Variants in PPP3CA observed in about 807,000 individuals in gnomAD.
The protein encoded by PPP3CA is protein phosphatase 3 catalytic subunit alpha.
PPP3CA carries 14 observed loss-of-function variants against 66.5 expected under a neutral mutation model. The ratio of observed to expected loss-of-function variants is 0.21; its 90% CI spans 0.14 to 0.33. The LOEUF is 0.33. Among genes scored for constraint, PPP3CA ranks in the 10% least tolerant of loss-of-function variants. The probability of loss-of-function intolerance (pLI) is 1.00; values close to 1 mark genes in which losing one functional copy is unlikely to be tolerated. For synonymous variants in PPP3CA, 232 were observed against 226.2 expected (o/e 1.03, Z -0.23); for missense variants, 317 against 639.5 (o/e 0.50, Z 5.44).
At chr4:101,109,671 A>C (rs1017907974) in intron 2 of PPP3CA, among the ~76,000 whole-genome samples, 18 of 151,782 alleles carry the variant, frequency 1.2e-4, no homozygotes, top group African/African-American at 4.4e-4. Flanking sequence ...AAAAAAAAAA[A>C]AAACTCCAAT....
chr4:101,312,714 T>C lies in PPP3CA; in HGVS notation c.58+34025A>G, dbSNP rs529407754. On this transcript the variant is annotated intron_variant, in intron 1 of 13. Coordinates refer to ENST00000394854, the MANE Select transcript of PPP3CA (RefSeq NM_000944.5). ...AGAAACTTCAAATAATCTTTAATTA[T>C]TAATTTTTTAAAAGAAAATGTATAG... Among the ~76,000 whole-genome samples the C allele has an allele frequency of 4.6e-5, 7 of 152,254 alleles. No homozygotes were observed. The South Asian group carries it at 1.4e-3, about 32-fold the overall frequency.
At chr4:101,163,775 G>C (rs1285612820) in intron 2 of PPP3CA, among the ~76,000 whole-genome samples, 2 of 151,940 alleles carry the variant, frequency 1.3e-5, no homozygotes, top group African/African-American at 4.8e-5. Flanking sequence ...AATAAGTAAA[G>C]CCAATTTTAC....
chr4:101,333,561 G>A (rs17031175), intron 1 of PPP3CA, among the ~76,000 whole-genome samples: 1 of 151,826 alleles, frequency 6.6e-6, no homozygotes, highest in Non-Finnish European at 1.5e-5. Flanking sequence ...CTGAATTTCC[G>A]ATGTCTTGTA....
intron 8 of PPP3CA, among the ~76,000 whole-genome samples, chr4:101,072,024 G>GCT: frequency 6.6e-6 from 1 of 152,098 alleles, no homozygotes; most frequent in African/African-American, 2.4e-5. Context: ...AGTGACTACT[G>GCT]GATTAAAACT....
intron 3 of PPP3CA, among the ~76,000 whole-genome samples, chr4:101,103,633 A>G (rs929336760): frequency 2.6e-5 from 4 of 152,244 alleles, no homozygotes; most frequent in African/African-American, 9.6e-5. Flanking sequence ...TTCACAGCTA[A>G]TAAACACAAC....
rs553600798 is a variant in PPP3CA at position 101,347,431 on chromosome 4, G to T, written c.-635C>A. 50 of 167,418 alleles carry T rather than the reference G, an allele frequency of 3.0e-4. 1 individual carries two copies. In the South Asian group the frequency reaches 6.8e-3, roughly 23 times the overall value. The allele number at this position is 167,418 out of a possible 1,614,324, so 10.4% of individuals were successfully genotyped here. A position where few individuals can be genotyped will look rare whatever the true frequency, so the allele number is the denominator to read the frequency against. ...CGGCCGCCGGAGACGTCCCGCCGCC[G>T]CGATCGCCCGCGCTCGCCTCTGCCT... On this transcript the variant is annotated 5_prime_UTR_variant, in exon 1 of 14. Coordinates refer to ENST00000394854, the MANE Select transcript of PPP3CA (RefSeq NM_000944.5).
chr4:101,061,797 G>A (rs1728473574), intron 9 of PPP3CA, among the ~76,000 whole-genome samples: 1 of 152,012 alleles, frequency 6.6e-6, no homozygotes, highest in South Asian at 2.1e-4. Flanking sequence ...TAAAAGTGTT[G>A]TACAGAGGAA....
At chr4:101,129,694 G>C (rs1290182925) in intron 2 of PPP3CA, among the ~76,000 whole-genome samples, 1 of 152,176 alleles carries the variant, frequency 6.6e-6, no homozygotes, top group Non-Finnish European at 1.5e-5. Flanking sequence ...GAAAGGAATA[G>C]CATCAACATC....
At chr4:101,336,774 T>A (rs1423336928) in intron 1 of PPP3CA, among the ~76,000 whole-genome samples, 1 of 152,058 alleles carries the variant, frequency 6.6e-6, no homozygotes, top group Non-Finnish European at 1.5e-5. Flanking sequence ...GTGAGAGGTA[T>A]ATGGAATAGG....
chr4:101,128,513 G>A (rs1722318504), intron 2 of PPP3CA, among the ~76,000 whole-genome samples: 1 of 151,930 alleles, frequency 6.6e-6, no homozygotes, highest in African/African-American at 2.4e-5. Context: ...CAATGCAAAA[G>A]GCTGGTGATT....
chr4:101,159,250 A>G (rs1441876171), intron 2 of PPP3CA, among the ~76,000 whole-genome samples: 2 of 152,142 alleles, frequency 1.3e-5, no homozygotes, highest in Non-Finnish European at 2.9e-5. Flanking sequence ...AGTAGATTCT[A>G]AAAAAACAGT....
chr4:101,250,115 GA>G (rs1185369556), intron 1 of PPP3CA, among the ~76,000 whole-genome samples: 1 of 152,074 alleles, frequency 6.6e-6, no homozygotes, highest in Non-Finnish European at 1.5e-5. Context: ...AAGAATAATT[GA>G]GTTTTTGGAA....
intron 2 of PPP3CA, among the ~76,000 whole-genome samples, chr4:101,147,667 A>T (rs1723012793): frequency 6.6e-6 from 1 of 151,914 alleles, no homozygotes; most frequent in African/African-American, 2.4e-5. Flanking sequence ...ACAATTGCTA[A>T]TTTTTTCCTT....
chr4:101,317,950 A>C (rs1238531749), intron 1 of PPP3CA, among the ~76,000 whole-genome samples: 1 of 152,226 alleles, frequency 6.6e-6, no homozygotes, highest in Admixed American at 6.5e-5. Flanking sequence ...GTATTTAAAA[A>C]ATTATTATGT....
intron 1 of PPP3CA, among the ~76,000 whole-genome samples, chr4:101,332,979 C>A (rs1470510763): frequency 7.9e-5 from 12 of 152,146 alleles, no homozygotes. Flanking sequence ...TTTTGAAAGA[C>A]AGCTTAACTA....
intron 1 of PPP3CA, among the ~76,000 whole-genome samples, chr4:101,202,573 A>G (rs1242698378): frequency 3.3e-5 from 5 of 152,204 alleles, no homozygotes; most frequent in Admixed American, 3.3e-4. Flanking sequence ...GCTAGCCCCT[A>G]AGAACTGTAA....
At chr4:101,138,592 A>G (rs1722696843) in intron 2 of PPP3CA, among the ~76,000 whole-genome samples, 1 of 152,196 alleles carries the variant, frequency 6.6e-6, no homozygotes, top group Non-Finnish European at 1.5e-5. Context: ...AAATATTCCA[A>G]TGAGCATTTC....
chr4:101,347,017 G>C lies in PPP3CA; in HGVS notation c.-221C>G, dbSNP rs1405207994. 8.4e-6 allele frequency: 5 copies of C among 595,536 alleles called. No homozygotes were observed. Among genetic ancestry groups the C allele is most frequent in the Non-Finnish European group, 1.5e-5 (5 of 341,434 alleles). 36.9% of individuals were successfully genotyped at this position (595,536 alleles called of 1,614,324 possible). On this transcript the variant is annotated 5_prime_UTR_variant, in exon 1 of 14. Transcript: ENST00000394854. ...CCTTCACTCCTCCTCCGCCGCTGCC[G>C]CCAGCCCCGCCGACTCGCTCCGGGC...
chr4:101,309,641 A>G (rs1466410379), intron 1 of PPP3CA, among the ~76,000 whole-genome samples: 4 of 152,270 alleles, frequency 2.6e-5, no homozygotes, highest in South Asian at 2.1e-4. Flanking sequence ...AGAAAAATAT[A>G]TATCTGCCAT....
Sources: gnomAD v4.1 joint callset for allele counts (sites outside exome capture counted in the v4.1 genomes callset) on GRCh38, gnomAD v4.1.1 for gene constraint, MANE v1.5 for transcripts, NCBI Gene and HGNC (gene_info 2026-07-23, HGNC 2026-07-21) for gene names.